Variants in DAP3 observed in about 807,000 individuals in gnomAD.
DAP3 encodes the protein death associated protein 3.
DAP3 carries 28 observed loss-of-function variants against 51.9 expected under a neutral mutation model. The ratio of observed to expected loss-of-function variants is 0.54; its 90% CI spans 0.40 to 0.74. The LOEUF is 0.74. Among genes scored for constraint, DAP3 ranks in the 30% least tolerant of loss-of-function variants. The pLI is 0.00. For synonymous variants in DAP3, 170 were observed against 170.3 expected (o/e 1.00, Z 0.01); for missense variants, 458 against 483.5 (o/e 0.95, Z 0.49).
At chr1:155,728,646 G>T (rs1557794909) in intron 7 of DAP3, among the ~76,000 whole-genome samples, 1 of 152,054 alleles carries the variant, frequency 6.6e-6, no homozygotes, top group Non-Finnish European at 1.5e-5. Context: ...GATCACCTGA[G>T]GTCAGGAATT....
chr1:155,710,083 C>A (rs1257834105), intron 2 of DAP3: 2 of 349,310 alleles, frequency 5.7e-6, no homozygotes, highest in South Asian at 1.2e-4. Context: ...GTTATCATCC[C>A]TTAATGAAGT....
chr1:155,721,705 TAAAAA>T, intron 4 of DAP3, 87 bp downstream of exon 4: 1 of 1,280,396 alleles, frequency 7.8e-7, no homozygotes, highest in Non-Finnish European at 1.1e-6. Flanking sequence ...GAAGAAAATT[TAAAAA>T]GATGAAATTT....
intron 1 of DAP3, among the ~76,000 whole-genome samples, chr1:155,698,663 A>G (rs1273524566): frequency 2.0e-5 from 3 of 152,214 alleles, no homozygotes; most frequent in Admixed American, 6.5e-5. Context: ...TTCTTTCCCA[A>G]TCTTTCAATT....
At chr1:155,698,231 A>G (rs1654771821) in intron 1 of DAP3, among the ~76,000 whole-genome samples, 1 of 151,564 alleles carries the variant, frequency 6.6e-6, no homozygotes, top group Non-Finnish European at 1.5e-5. Flanking sequence ...AGATTAAAGT[A>G]AAGACAGGCA....
intron 7 of DAP3, among the ~76,000 whole-genome samples, chr1:155,728,801 A>G (rs1047340157): frequency 6.6e-6 from 1 of 151,940 alleles, no homozygotes; most frequent in Non-Finnish European, 1.5e-5. Flanking sequence ...TGGATGTTGC[A>G]GCGAGCTGAG....
rs1247745270 is a variant in DAP3, at chr1:155,691,574, A to C, written c.-8+2400A>C. 2.8e-5 allele frequency among the ~76,000 whole-genome samples: 4 copies of C among 141,626 alleles called. 1 individual carries two copies. Among genetic ancestry groups the C allele is most frequent in the Admixed American group, 2.6e-4 (4 of 15,108 alleles). 92.9% of individuals were successfully genotyped at this position (141,626 alleles called of 152,430 possible). A position where few individuals can be genotyped will look rare whatever the true frequency, so the allele number is the denominator to read the frequency against. On this transcript the variant is annotated intron_variant, in intron 1 of 12. Coordinates refer to ENST00000368336, the MANE Select transcript of DAP3 (RefSeq NM_004632.4). ...ACATTTGTGTACAACTTTTGCATAC[A>C]CTTGTTTTTATTTCTCTTTTATACC... is the stretch of plus-strand genomic sequence containing the variant.
chr1:155,724,614 C>T (rs1658360567), intron 4 of DAP3, among the ~76,000 whole-genome samples: 1 of 141,496 alleles, frequency 7.1e-6, no homozygotes, highest in Non-Finnish European at 1.5e-5. Context: ...GCCTGGGTGA[C>T]AGAGTGAGAC....
intron 4 of DAP3, 124 bp from the exon 5 acceptor site, chr1:155,725,254 CCTAA>C (rs774587711): frequency 5.3e-5 from 39 of 729,672 alleles, no homozygotes; most frequent in Admixed American, 1.2e-4. Flanking sequence ...CCCAGCTTCT[CCTAA>C]CTGAGTAAAT....
At chr1:155,731,122 T>A (rs1197983602) in intron 9 of DAP3, among the ~76,000 whole-genome samples, 1 of 151,772 alleles carries the variant, frequency 6.6e-6, no homozygotes, top group Non-Finnish European at 1.5e-5. Flanking sequence ...ACAAAAAAAT[T>A]AGGCTCTGGT....
chr1:155,688,703 C>T (rs368170583), upstream of DAP3: 540 of 1,521,186 alleles, frequency 3.5e-4, 2 homozygotes, highest in African/African-American at 6.6e-3. Context: ...CTCTTCTCTC[C>T]TCCCCCTCCC....
chr1:155,737,056 T>C lies in DAP3; in HGVS notation c.1104T>C (p.His368=). ...QYYLENNWLQ[H]EKAPTEEGKK... ...ATTTGGAAAACAATTGGCTTCAACA[T>C]GAGAAAGGTCCATCATTTAGTTTTT... is the stretch of plus-strand genomic sequence containing the variant. The change falls in exon 12 of 13, where the codon CAT becomes CAC. Residue 368 remains histidine (H), a synonymous_variant. Transcript: ENST00000368336. The C allele has an allele frequency of 6.2e-7, 1 of 1,609,246 alleles. No individual in the cohort carries two copies. The highest frequency in any genetic ancestry group is 1.7e-5 in the Admixed American group (1 of 59,994).
chr1:155,688,335 G>GGCA, upstream of DAP3: 3 of 1,551,106 alleles, frequency 1.9e-6, no homozygotes, highest in Non-Finnish European at 2.6e-6. Flanking sequence ...CGGCAGCGGC[G>GGCA]GCAGCAGAGT....
intron 1 of DAP3, among the ~76,000 whole-genome samples, chr1:155,698,386 C>A (rs1335415938): frequency 6.6e-6 from 1 of 152,148 alleles, no homozygotes; most frequent in African/African-American, 2.4e-5. Flanking sequence ...ATGAAATCTT[C>A]ACAATTTATG....
At chr1:155,732,524 C>T (rs1557800691) in intron 11 of DAP3, among the ~76,000 whole-genome samples, 1 of 152,134 alleles carries the variant, frequency 6.6e-6, no homozygotes, top group Non-Finnish European at 1.5e-5. Flanking sequence ...AGCCACGGCG[C>T]CTGGCCTTGA....
Position 155,733,845 on chromosome 1 carries a change from CA to C in DAP3, c.993+1818del, listed in dbSNP as rs1229037435. On this transcript the variant is annotated intron_variant, in intron 11 of 12. Transcript: ENST00000368336. ...AAGCAAGACTCCGTCTCAAGAAAAACAAAAAACAAAAAAACAATTCCTTCAT... is the reference window on the plus strand; with the variant it reads ...AAGCAAGACTCCGTCTCAAGAAAAACAAAAACAAAAAAACAATTCCTTCAT... Among the ~76,000 whole-genome samples, 3 of 151,200 alleles carry C rather than the reference CA, an allele frequency of 2.0e-5. No homozygotes were observed. In the East Asian group the frequency reaches 5.9e-4, roughly 30 times the overall value.
intron 2 of DAP3, among the ~76,000 whole-genome samples, chr1:155,711,148 G>A (rs1656645376): frequency 6.6e-6 from 1 of 152,024 alleles, no homozygotes; most frequent in East Asian, 1.9e-4. Context: ...GCAAGGATCA[G>A]CAGAGGGATG....
chr1:155,700,732 C>A (rs1156438630), intron 1 of DAP3, among the ~76,000 whole-genome samples: 1 of 143,298 alleles, frequency 7.0e-6, no homozygotes, highest in Non-Finnish European at 1.5e-5. Flanking sequence ...CCGCCCCGTC[C>A]GGGAGGGAGG....
chr1:155,725,339 C>CTTCCACACCCACCCACTCT (rs781373194), intron 4 of DAP3, 43 bp from the exon 5 acceptor site: 2 of 1,582,360 alleles, frequency 1.3e-6, no homozygotes, highest in Admixed American at 3.3e-5. Context: ...CCACCCACTC[C>CTTCCACACCCACCCACTCT]TTCCACACCC....
At chr1:155,718,685 CAAA>C (rs550907462) in intron 3 of DAP3, among the ~76,000 whole-genome samples, 1 of 79,464 alleles carries the variant, frequency 1.3e-5, no homozygotes, top group Non-Finnish European at 2.6e-5. Flanking sequence ...GACTCTGTCT[CAAA>C]AAAAAAAAAA....
Sources: gnomAD v4.1 joint callset for allele counts (sites outside exome capture counted in the v4.1 genomes callset) on GRCh38, gnomAD v4.1.1 for gene constraint, MANE v1.5 for transcripts, NCBI Gene and HGNC (gene_info 2026-07-23, HGNC 2026-07-21) for gene names.